CFH: variants seen among roughly 807,000 people sequenced by gnomAD.
The protein encoded by CFH is complement factor H.
Under a neutral mutation model 147.3 loss-of-function variants are expected in CFH, and 53 were observed. That is an observed-to-expected ratio of 0.36 (90% CI 0.29 to 0.45). The LOEUF is 0.45. Ranked by LOEUF, CFH falls within the 20% of genes least tolerant of loss-of-function variation. The probability of loss-of-function intolerance (pLI) is 1.00; values close to 1 mark genes in which losing one functional copy is unlikely to be tolerated. For missense variants in CFH, 1,380 were observed against 1,498.0 expected (o/e 0.92, Z 1.30); for synonymous variants, 536 against 489.4 (o/e 1.10, Z -1.26).
At chr1:196,710,285 G>A (rs936153632) in intron 9 of CFH, among the ~76,000 whole-genome samples, 1 of 152,132 alleles carries the variant, frequency 6.6e-6, no homozygotes, top group Non-Finnish European at 1.5e-5. Context: ...GTGCCCTTGT[G>A]TTGATTAAAG....
intron 11 of CFH, among the ~76,000 whole-genome samples, chr1:196,722,334 A>G (rs10922106): frequency 0.44 from 66,439 of 151,840 alleles, 14,679 homozygotes; most frequent in South Asian, 0.56. Context: ...TAGTTTAGCA[A>G]AATACAAAAT....
chr1:196,661,261 G>T (rs1666892775), intron 1 of CFH, among the ~76,000 whole-genome samples: 1 of 152,128 alleles, frequency 6.6e-6, no homozygotes, highest in South Asian at 2.1e-4. Context: ...ACATTATTTT[G>T]TAAAATATAA....
chr1:196,677,443 T>A, intron 4 of CFH, 33 bp from the exon 5 acceptor site: 1 of 1,592,776 alleles, frequency 6.3e-7, no homozygotes, highest in Non-Finnish European at 8.6e-7. Flanking sequence ...CTTTTAAAAT[T>A]CCATTAGAAA....
intron 5 of CFH, chr1:196,678,977 G>A (rs1397375740): frequency 1.3e-5 from 2 of 152,232 alleles, no homozygotes; most frequent in Non-Finnish European, 1.5e-5. Flanking sequence ...GATTTCAAGT[G>A]GAGTTACGAT....
intron 16 of CFH, 76 bp downstream of exon 16, chr1:196,737,082 A>C: frequency 3.1e-6 from 4 of 1,289,000 alleles, no homozygotes; most frequent in Non-Finnish European, 3.3e-6. Flanking sequence ...TGTAAACAAG[A>C]GAGAAGTTCT....
intron 15 of CFH, among the ~76,000 whole-genome samples, chr1:196,734,326 G>C (rs1326153218): frequency 3.9e-5 from 6 of 151,994 alleles, no homozygotes; most frequent in Admixed American, 3.9e-4. Flanking sequence ...GGACATTCTT[G>C]GGTGGAAGAA....
chr1:196,723,248 T>TC (rs111369741), intron 11 of CFH, among the ~76,000 whole-genome samples: 184 of 151,820 alleles, frequency 1.2e-3, no homozygotes, highest in African/African-American at 4.1e-3. Context: ...ATTTTTTTTT[T>TC]CCCTTTGAGA....
intron 1 of CFH, among the ~76,000 whole-genome samples, chr1:196,662,960 A>T (rs1257453013): frequency 6.8e-6 from 1 of 147,110 alleles, no homozygotes; most frequent in Non-Finnish European, 1.5e-5. Flanking sequence ...ATAGATAGTT[A>T]TTTCTTCCTG....
At position 196,677,613 on chromosome 1, in the gene CFH, G is replaced by T. The variant is rs121913054; in HGVS notation, c.565G>T (p.Glu189Ter). 1 of 1,612,518 alleles carries T rather than the reference G, an allele frequency of 6.2e-7. No individual in the cohort carries two copies. Among genetic ancestry groups the T allele is most frequent in the Non-Finnish European group, 8.5e-7 (1 of 1,178,762 alleles). The change falls in exon 5 of 22, where the codon GAA becomes TAA. Residue 189 changes from glutamate (E) to a stop codon, truncating the protein, a stop_gained. Coordinates refer to ENST00000367429, the MANE Select transcript of CFH (RefSeq NM_000186.4). LOFTEE classifies it high-confidence loss of function. Reference sequence around the variant, plus strand: ...AGGCTACAAGATTGAAGGAGATGAAGAAATGCATTGTTCAGACGATGGTTT... The same window carrying T: ...AGGCTACAAGATTGAAGGAGATGAATAAATGCATTGTTCAGACGATGGTTT... ...NSGYKIEGDEEMHCSDDGFWS... is the reference protein window; with the variant it reads ...NSGYKIEGDE
chr1:196,721,474 C>CAT (rs1668996755), intron 11 of CFH, among the ~76,000 whole-genome samples: 1 of 151,958 alleles, frequency 6.6e-6, no homozygotes, highest in Non-Finnish European at 1.5e-5. Flanking sequence ...TGTAGCCTAG[C>CAT]ATATGGTCTA....
chr1:196,696,739 A>C (rs919174085), intron 9 of CFH, among the ~76,000 whole-genome samples: 5 of 152,206 alleles, frequency 3.3e-5, no homozygotes, highest in African/African-American at 1.2e-4. Flanking sequence ...GCATCATGCT[A>C]CCTGACTTCA....
At chr1:196,729,918 T>C (rs1321309199) in intron 15 of CFH, among the ~76,000 whole-genome samples, 1 of 151,968 alleles carries the variant, frequency 6.6e-6, no homozygotes, top group Non-Finnish European at 1.5e-5. Context: ...ATTTTTTTGA[T>C]ATCAGTTGTA....
At position 196,709,131 on chromosome 1, in the gene CFH, A is replaced by G. The variant is rs186843729; in HGVS notation, c.1337-4604A>G. ...CTTCTGGTAAAATAAAAACCAAACT[A>G]AAGAAAATATTTCAGCAGTCTCGCT... On this transcript the variant is annotated intron_variant, in intron 9 of 21. Coordinates refer to ENST00000367429, the MANE Select transcript of CFH (RefSeq NM_000186.4). 5.3e-5 allele frequency among the ~76,000 whole-genome samples: 8 copies of G among 152,216 alleles called. No individual in the cohort carries two copies. The East Asian group carries it at 1.5e-3, about 29-fold the overall frequency.
At position 196,681,747 on chromosome 1, in the gene CFH, T is replaced by C. The variant is rs1165669327; in HGVS notation, c.790+1954T>C. 5.3e-5 allele frequency among the ~76,000 whole-genome samples: 8 copies of C among 151,944 alleles called. No individual in the cohort carries two copies. The East Asian group carries it at 1.5e-3, about 29-fold the overall frequency. The stretch of plus-strand genomic sequence containing the variant: ...AAGCATACACTCTCTCACCACGTTT[T>C]ATTTTATTGAAATATACTTTACGCT... On this transcript the variant is annotated intron_variant, in intron 6 of 21. Transcript: ENST00000367429.
intron 20 of CFH, 53 bp from the exon 21 acceptor site, chr1:196,745,764 T>C (rs1421195934): frequency 6.2e-7 from 1 of 1,613,166 alleles, no homozygotes; most frequent in Non-Finnish European, 8.5e-7. Context: ...TATTTGAACT[T>C]GTATTTTGAT....
chr1:196,685,994 C>T (rs1207241617), intron 7 of CFH, among the ~76,000 whole-genome samples: 1 of 152,030 alleles, frequency 6.6e-6, no homozygotes, highest in African/African-American at 2.4e-5. Context: ...AGGAAACTTA[C>T]AATCATGGTG....
Position 196,679,731 on chromosome 1 carries a change from A to G in CFH, c.728A>G (p.Tyr243Cys). The G allele has an allele frequency of 6.2e-7, 1 of 1,611,954 alleles. No individual in the cohort carries two copies. The highest frequency in any genetic ancestry group is 8.5e-7 in the Non-Finnish European group (1 of 1,178,602). Residue 243 changes from tyrosine (Y) to cysteine (C), a missense_variant, in exon 6 of 22, where the codon TAC becomes TGC. Tyr to Cys is a radical substitution (Grantham distance 194). Transcript: ENST00000367429. ...FQYKCNMGYE[Y>C]SERGDAVCTE... is the part of the protein sequence containing the mutation. The stretch of plus-strand genomic sequence containing the variant: ...TATAAATGTAACATGGGTTATGAAT[A>G]CAGTGAAAGAGGAGATGCTGTATGC...
chr1:196,674,263 C>T (rs776641681), intron 3 of CFH, among the ~76,000 whole-genome samples: 6 of 152,052 alleles, frequency 3.9e-5, no homozygotes, highest in Admixed American at 3.9e-4. Context: ...CTATTTTGTG[C>T]AGAGTATCAT....
intron 9 of CFH, among the ~76,000 whole-genome samples, chr1:196,704,781 A>C (rs900084685): frequency 1.1e-4 from 17 of 152,364 alleles, no homozygotes; most frequent in Non-Finnish European, 2.5e-4. Flanking sequence ...TGCCAGGACA[A>C]AAACATGGAA....
Sources: gnomAD v4.1 joint callset for allele counts (sites outside exome capture counted in the v4.1 genomes callset) on GRCh38, gnomAD v4.1.1 for gene constraint, MANE v1.5 for transcripts, NCBI Gene and HGNC (gene_info 2026-07-23, HGNC 2026-07-21) for gene names.